Variants in TG observed in about 807,000 individuals in gnomAD.
TG encodes the protein thyroglobulin.
Under a neutral mutation model 324.7 loss-of-function variants are expected in TG, and 270 were observed. The ratio of observed to expected loss-of-function variants is 0.83; its 90% CI spans 0.75 to 0.92. The LOEUF (loss-of-function observed/expected upper bound fraction) is 0.92. Among genes scored for constraint, TG ranks in the 40% least tolerant of loss-of-function variants. The probability of loss-of-function intolerance (pLI) is 0.00; values close to 1 mark genes in which losing one functional copy is unlikely to be tolerated. For synonymous variants in TG, 1,401 were observed against 1,327.0 expected, an observed-to-expected ratio of 1.06 and a Z score of -1.21; for missense variants, 3,591 against 3,456.4, an observed-to-expected ratio of 1.04 and a Z score of -0.98.
chr8:132,994,989 T>C, intron 35 of TG: 1 of 975,520 alleles, frequency 1.0e-6, no homozygotes, highest in Non-Finnish European at 1.2e-6. Flanking sequence ...TTAAATTTTG[T>C]AATTCTCAGC....
At chr8:132,969,858 G>A (rs540491211) in intron 32 of TG, among the ~76,000 whole-genome samples, 1 of 141,628 alleles carries the variant, frequency 7.1e-6, no homozygotes, top group Non-Finnish European at 1.5e-5. Context: ...AGGTTGCAGT[G>A]AGCTGAGATT....
At chr8:132,955,197 C>G (rs575832374) in intron 27 of TG, among the ~76,000 whole-genome samples, 31 of 152,254 alleles carry the variant, frequency 2.0e-4, no homozygotes, top group African/African-American at 6.3e-4. Context: ...TCTTTCCCCC[C>G]ACAAGTCACT....
intron 41 of TG, among the ~76,000 whole-genome samples, chr8:133,055,104 G>A (rs1041667802): frequency 5.3e-5 from 8 of 152,176 alleles, no homozygotes; most frequent in South Asian, 2.1e-4. Flanking sequence ...GGAGCCACAC[G>A]GCTCTCCTTG....
chr8:133,059,280 C>T (rs1764006592), intron 41 of TG: 2 of 373,722 alleles, frequency 5.4e-6, no homozygotes, highest in Non-Finnish European at 1.1e-5. Context: ...GCTTCCCTAA[C>T]CGTCCCTTTC....
intron 5 of TG, among the ~76,000 whole-genome samples, chr8:132,876,326 G>A (rs942777829): frequency 6.6e-6 from 1 of 152,138 alleles, no homozygotes; most frequent in Admixed American, 6.5e-5. Context: ...GAGGGTCGGG[G>A]GGAGTCAAGA....
At chr8:132,970,613 AGAT>A (rs1172648746) in intron 32 of TG, among the ~76,000 whole-genome samples, 1 of 152,178 alleles carries the variant, frequency 6.6e-6, no homozygotes, top group Non-Finnish European at 1.5e-5. Context: ...GGGGGTAAAA[AGAT>A]GAGGCAGGCT....
intron 5 of TG, among the ~76,000 whole-genome samples, chr8:132,878,608 C>CA (rs546557476): frequency 0.021 from 1,590 of 74,428 alleles, 16 homozygotes; most frequent in African/African-American, 0.062. Flanking sequence ...GACTCTGTCT[C>CA]AAAAAAAAAA....
At chr8:132,877,744 A>G (rs373885603) in intron 5 of TG, among the ~76,000 whole-genome samples, 5 of 152,176 alleles carry the variant, frequency 3.3e-5, no homozygotes, top group African/African-American at 7.2e-5. Flanking sequence ...GGATTCTTCT[A>G]TGGCCACCCT....
At position 133,013,755 on chromosome 8, in the gene TG, C is replaced by T. The variant is rs770118724; in HGVS notation, c.6553C>T (p.Arg2185Trp). ...TCGTGAAGAGGCCACCCACATCTAC[C>T]GGAAGCCAGGTAAGCCCAAGCCTAT... ...LLREEATHIYRKPGISLLSYE... is the reference protein window; with the variant it reads ...LLREEATHIYWKPGISLLSYE... Residue 2185 changes from arginine (R) to tryptophan (W), a missense_variant, in exon 37 of 48, where the codon CGG (arginine) becomes TGG (tryptophan). Arg to Trp is a moderately radical substitution (Grantham distance 101, BLOSUM62 -3). Transcript: ENST00000220616. The T allele has an allele frequency of 3.2e-5, 52 of 1,610,504 alleles. No homozygotes were observed. The highest frequency in any genetic ancestry group is 1.7e-4 in the Middle Eastern group (1 of 5,932).
rs1457298617 is a variant in TG at position 132,887,443 on chromosome 8, GGACATT to G, written c.2072_2077del (p.Gly691_Phe693delinsVal). 24 of 1,614,104 alleles carry G rather than the reference GGACATT, an allele frequency of 1.5e-5. No homozygotes were observed. The highest frequency in any genetic ancestry group is 1.9e-5 in the Non-Finnish European group (23 of 1,180,020). On this transcript the variant is annotated inframe_deletion, in exon 9 of 48. Transcript: ENST00000220616. Reference sequence around the variant, plus strand: ...GTTTGTCCCTGCTTGTACTAGTGAGGGACATTTCCTGCCTGTCCAGTGCTTCAACTC... The same window carrying G: ...GTTTGTCCCTGCTTGTACTAGTGAGGTCCTGCCTGTCCAGTGCTTCAACTC...
At chr8:133,130,337 G>A (rs1476541239) in intron 45 of TG, among the ~76,000 whole-genome samples, 1 of 152,236 alleles carries the variant, frequency 6.6e-6, no homozygotes, top group Non-Finnish European at 1.5e-5. Context: ...CCTGAAACCT[G>A]TGACTGTGTT....
chr8:132,967,686 C>G (rs1828830849), intron 30 of TG, 108 bp from the exon 31 acceptor site: 2 of 1,272,460 alleles, frequency 1.6e-6, no homozygotes, highest in Non-Finnish European at 2.2e-6. Flanking sequence ...TCTGCCCTAA[C>G]TAGGAGGGAT....
chr8:132,990,629 A>T (rs1481992135), intron 35 of TG, among the ~76,000 whole-genome samples: 2 of 152,154 alleles, frequency 1.3e-5, no homozygotes, highest in Non-Finnish European at 2.9e-5. Context: ...CATATATTTT[A>T]AAAATTCCTA....
At position 133,074,273 on chromosome 8, in the gene TG, GCATA is replaced by G. The variant is rs1844527905; in HGVS notation, c.7240-20768_7240-20765del. ...TCTTCGGCATCTTCTTAAAGAAGAT[GCATA>G]CAATCACACTCCAAGTAGCGCTATT... On this transcript the variant is annotated intron_variant, in intron 41 of 47. Transcript: ENST00000220616. Among the ~76,000 whole-genome samples, 4 of 152,214 alleles carry G rather than the reference GCATA, an allele frequency of 2.6e-5. 1 individual carries two copies. In the South Asian group the frequency reaches 8.3e-4, roughly 32 times the overall value.
At chr8:132,950,888 T>G (rs1826010281) in intron 27 of TG, among the ~76,000 whole-genome samples, 2 of 152,204 alleles carry the variant, frequency 1.3e-5, no homozygotes, top group African/African-American at 4.8e-5. Context: ...TGACCTATAC[T>G]CACAAGTCCT....
rs933779749 is a variant in TG at position 132,919,400 on chromosome 8, C to T, written c.4403C>T (p.Ser1468Phe). 1.2e-6 allele frequency: 2 copies of T among 1,614,074 alleles called. No homozygotes were observed. Among genetic ancestry groups the T allele is most frequent in the Middle Eastern group, 1.7e-4 (1 of 6,052 alleles). ...GTTAAGTGTCCTGAAGGAAGCTATTCCCAAGATGAGGAATGCATTCCTTGT... is the reference window on the plus strand; with the variant it reads ...GTTAAGTGTCCTGAAGGAAGCTATTTCCAAGATGAGGAATGCATTCCTTGT... ...GCVKCPEGSY[S>F]QDEECIPCPV... Residue 1468 changes from serine (S) to phenylalanine (F), a missense_variant, in exon 21 of 48, where the codon TCC becomes TTC. Ser to Phe is a radical substitution (Grantham distance 155). Coordinates refer to ENST00000220616, the MANE Select transcript of TG (RefSeq NM_003235.5).
intron 39 of TG, 23 bp from the exon 40 acceptor site, chr8:133,021,968 T>C (rs770173923): frequency 3.7e-6 from 6 of 1,613,954 alleles, no homozygotes; most frequent in Non-Finnish European, 5.1e-6. Flanking sequence ...CACTTTAGCC[T>C]CATGTTTCTC....
rs548818750 is a variant in TG, at chr8:133,081,598, G to A, written c.7240-13446G>A. On this transcript the variant is annotated intron_variant, in intron 41 of 47. Coordinates refer to ENST00000220616, the MANE Select transcript of TG (RefSeq NM_003235.5). ...TCTCAGGAAGAAGAAGAAAAAAAAA[G>A]TAGCCGCTTTATGTCCACCACAACT... Among the ~76,000 whole-genome samples, 13 of 149,928 alleles carry A rather than the reference G, an allele frequency of 8.7e-5. No homozygotes were observed. In the East Asian group the frequency reaches 2.3e-3, roughly 27 times the overall value.
rs145579284 is a variant in TG at position 132,893,811 on chromosome 8, G to A, written c.2883G>A (p.Lys961=). The change falls in exon 11 of 48, where the codon AAG becomes AAA. Residue 961 remains lysine (K), a synonymous_variant. Transcript: ENST00000220616. ...TGGGGGAGAGTTTCCTGGTGGCCAA[G>A]GGAATCCGGCTGAGGAATGAGGACC... ...FPLGESFLVA[K]GIRLRNEDLG... The A allele has an allele frequency of 2.5e-6, 4 of 1,613,920 alleles. No homozygotes were observed. Among genetic ancestry groups the A allele is most frequent in the Non-Finnish European group, 3.4e-6 (4 of 1,179,946 alleles).
Sources: allele counts gnomAD v4.1 joint callset (sites outside exome capture counted in the v4.1 genomes callset), GRCh38; gene constraint gnomAD v4.1.1; transcripts MANE v1.5; gene names NCBI Gene and HGNC (gene_info 2026-07-23, HGNC 2026-07-21).